MEF2C: variants seen among roughly 807,000 people sequenced by gnomAD.
MEF2C encodes myocyte enhancer factor 2C, also known as myocyte-specific enhancer factor 2C.
A neutral mutation model predicts 50.5 loss-of-function variants in MEF2C; 6 were observed. That is an observed-to-expected ratio of 0.12 (90% CI 0.07 to 0.23). MEF2C has a LOEUF of 0.23. Ranked by LOEUF, MEF2C falls within the 10% of genes least tolerant of loss-of-function variation. MEF2C has a pLI of 1.00. For missense variants in MEF2C, 276 were observed against 605.0 expected (o/e 0.46, Z 5.70); for synonymous variants, 183 against 228.0 (o/e 0.80, Z 1.78).
chr5:88,898,696 T>G (rs1029368632), intron 1 of MEF2C, among the ~76,000 whole-genome samples: 6 of 152,286 alleles, frequency 3.9e-5, no homozygotes, highest in Non-Finnish European at 7.4e-5. Flanking sequence ...TGTATTAAGA[T>G]TTTTTAAAAA....
At chr5:88,829,883 T>C (rs1430856616) in intron 1 of MEF2C, among the ~76,000 whole-genome samples, 1 of 152,004 alleles carries the variant, frequency 6.6e-6, no homozygotes, top group Non-Finnish European at 1.5e-5. Flanking sequence ...GTTATGATCA[T>C]AACATGTGGT....
rs74954292 is a variant in MEF2C, at chr5:88,879,287, T to C, written c.-143+3668A>G. On this transcript the variant is annotated intron_variant, in intron 1 of 10. Coordinates refer to ENST00000504921, the MANE Select transcript of MEF2C (RefSeq NM_002397.5). ...AGTTAAGATTTTCAAAATGTTATTA[T>C]GTAAACCAAAACTTTATTCTCTGAA... Among the ~76,000 whole-genome samples the C allele has an allele frequency of 2.2e-3, 341 of 151,784 alleles. 4 individuals carry two copies. The East Asian group carries it at 0.023, about 10-fold the overall frequency.
intron 1 of MEF2C, among the ~76,000 whole-genome samples, chr5:88,882,530 G>C (rs1833235735): frequency 6.6e-6 from 1 of 152,132 alleles, no homozygotes; most frequent in South Asian, 2.1e-4. Flanking sequence ...AGTGTCTTTG[G>C]GGGGACTCAT....
chr5:88,748,252 A>C (rs1227137162), intron 6 of MEF2C: 5 of 951,924 alleles, frequency 5.3e-6, no homozygotes, highest in East Asian at 1.2e-4. Context: ...TATTTCAATA[A>C]ACTTGATTTT....
chr5:88,729,455 A>C, intron 8 of MEF2C, 108 bp from the exon 9 acceptor site: 17 of 1,014,352 alleles, frequency 1.7e-5, no homozygotes, highest in Non-Finnish European at 2.0e-5. Context: ...TACAAATCTC[A>C]TGAAATTAAT....
intron 1 of MEF2C, among the ~76,000 whole-genome samples, chr5:88,876,950 GA>G (rs1414282238): frequency 1.3e-5 from 2 of 151,932 alleles, no homozygotes; most frequent in African/African-American, 4.8e-5. Flanking sequence ...TCTCAAAAGG[GA>G]CTGATTCAAA....
upstream of MEF2C, among the ~76,000 whole-genome samples, chr5:88,885,166 A>G (rs1833945158): frequency 6.6e-6 from 1 of 152,190 alleles, no homozygotes; most frequent in Non-Finnish European, 1.5e-5. Context: ...AAGTTCAGCA[A>G]TATGCCTCCA....
chr5:88,841,753 T>G (rs995683304), intron 1 of MEF2C, among the ~76,000 whole-genome samples: 2 of 152,168 alleles, frequency 1.3e-5, no homozygotes, highest in Non-Finnish European at 1.5e-5. Flanking sequence ...ACTCAACAAT[T>G]TTTTTCTGAG....
intron 3 of MEF2C, among the ~76,000 whole-genome samples, chr5:88,762,647 G>A (rs1182707393): frequency 6.6e-6 from 1 of 151,924 alleles, no homozygotes; most frequent in Admixed American, 6.6e-5. Context: ...ATAATGTTAT[G>A]TTTTTAGAGA....
intron 10 of MEF2C, among the ~76,000 whole-genome samples, chr5:88,726,695 C>A (rs1561665968): frequency 2.0e-5 from 3 of 152,104 alleles, no homozygotes; most frequent in Non-Finnish European, 4.4e-5. Context: ...AAATGCTTAA[C>A]CTTTGGCTGT....
intron 1 of MEF2C, chr5:88,824,902 C>T (rs1235157432): frequency 1.3e-5 from 2 of 151,888 alleles, no homozygotes; most frequent in Non-Finnish European, 2.9e-5. Context: ...TAAATTACAT[C>T]TGAAAATATT....
intron 1 of MEF2C, among the ~76,000 whole-genome samples, chr5:88,882,122 T>TA (rs1358196509): frequency 6.6e-6 from 1 of 152,210 alleles, no homozygotes; most frequent in African/African-American, 2.4e-5. Flanking sequence ...GCATTAAATT[T>TA]AAATACTTCC....
intron 1 of MEF2C, among the ~76,000 whole-genome samples, chr5:88,869,711 CAACA>C (rs990366419): frequency 6.6e-6 from 1 of 150,456 alleles, no homozygotes; most frequent in Non-Finnish European, 1.5e-5. Context: ...TTTATGAAGA[CAACA>C]AAAACTGATT....
chr5:88,742,680 T>C (rs1767395730), intron 6 of MEF2C: 1 of 985,266 alleles, frequency 1.0e-6, no homozygotes, highest in African/African-American at 1.7e-5. Context: ...GTCGAAGGCA[T>C]ATTTTACAAC....
chr5:88,860,794 T>A (rs1825234519), intron 1 of MEF2C, among the ~76,000 whole-genome samples: 1 of 152,160 alleles, frequency 6.6e-6, no homozygotes, highest in Non-Finnish European at 1.5e-5. Flanking sequence ...TTTCACTGAC[T>A]ACACATTGGA....
At chr5:88,730,112 G>T in intron 8 of MEF2C, 99 bp downstream of exon 8, 1 of 1,207,572 alleles carries the variant, frequency 8.3e-7, no homozygotes, top group Non-Finnish European at 1.2e-6. Flanking sequence ...TTGACATACT[G>T]TGGTAACTTC....
At chr5:88,854,847 T>C (rs901287123) in intron 1 of MEF2C, among the ~76,000 whole-genome samples, 10 of 152,224 alleles carry the variant, frequency 6.6e-5, no homozygotes, top group African/African-American at 2.2e-4. Flanking sequence ...AAAGTTGATA[T>C]TTTTCTACTG....
At chr5:88,736,030 G>A (rs1305403284) in intron 6 of MEF2C, 1 of 985,292 alleles carries the variant, frequency 1.0e-6, no homozygotes, top group Non-Finnish European at 1.2e-6. Flanking sequence ...TCTGCCATTG[G>A]CATAACCATT....
intron 1 of MEF2C, among the ~76,000 whole-genome samples, chr5:88,857,323 T>A (rs1823800189): frequency 6.6e-6 from 1 of 152,192 alleles, no homozygotes; most frequent in Non-Finnish European, 1.5e-5. Context: ...ACTAACATGC[T>A]TTTGATTTTG....
Sources: gnomAD v4.1 joint callset for allele counts (sites outside exome capture counted in the v4.1 genomes callset) on GRCh38, gnomAD v4.1.1 for gene constraint, MANE v1.5 for transcripts, NCBI Gene and HGNC (gene_info 2026-07-23, HGNC 2026-07-21) for gene names.